Variants in ANK2 observed in about 807,000 individuals in gnomAD.
ANK2 encodes ankyrin 2.
Under a neutral mutation model 360.5 loss-of-function variants are expected in ANK2, and 83 were observed. The ratio of observed to expected loss-of-function variants is 0.23; its 90% CI spans 0.19 to 0.28. The LOEUF (loss-of-function observed/expected upper bound fraction) is 0.28, where lower values mean the gene tolerates loss of function less well. Ranked by LOEUF, ANK2 falls within the 10% of genes least tolerant of loss-of-function variation. ANK2 has a pLI of 1.00. For missense variants in ANK2, 4,201 were observed against 4,795.7 expected (o/e 0.88, Z 3.66); for synonymous variants, 1,740 against 1,759.5 (o/e 0.99, Z 0.28).
the ANK2 span, among the ~76,000 whole-genome samples, chr4:112,742,784 G>A: frequency 6.6e-6 from 1 of 151,592 alleles, no homozygotes; most frequent in Non-Finnish European, 1.5e-5. Context: ...GAGTACAGTG[G>A]CATGATCTCG....
At chr4:112,963,402 G>A (rs766610867) in intron 2 of ANK2, among the ~76,000 whole-genome samples, 1 of 152,144 alleles carries the variant, frequency 6.6e-6, no homozygotes, top group Non-Finnish European at 1.5e-5. Flanking sequence ...AAACAGCATA[G>A]CATCAAAGGT....
At chr4:112,802,729 CT>C in the ANK2 span, among the ~76,000 whole-genome samples, 1 of 152,104 alleles carries the variant, frequency 6.6e-6, no homozygotes, top group African/African-American at 2.4e-5. Flanking sequence ...GCAATGTAGA[CT>C]TTTTTTGAAG....
chr4:113,170,747 C>T (rs1562588508), intron 1 of ANK2, among the ~76,000 whole-genome samples: 2 of 152,094 alleles, frequency 1.3e-5, no homozygotes, highest in Non-Finnish European at 2.9e-5. Flanking sequence ...GAAAGTTGTT[C>T]TGTGTTTCTA....
intron 2 of ANK2, among the ~76,000 whole-genome samples, chr4:112,965,446 C>A (rs1175196574): frequency 6.6e-6 from 1 of 152,044 alleles, no homozygotes; most frequent in African/African-American, 2.4e-5. Flanking sequence ...TTTCTCCCGT[C>A]CTGTGGATTG....
At chr4:113,259,617 A>C (rs1190136749) in intron 13 of ANK2, among the ~76,000 whole-genome samples, 3 of 152,100 alleles carry the variant, frequency 2.0e-5, no homozygotes, top group Admixed American at 2.0e-4. Context: ...TAAAGTCTAT[A>C]TTTATAAGTT....
intron 2 of ANK2, among the ~76,000 whole-genome samples, chr4:112,968,758 G>A (rs1363767402): frequency 6.6e-6 from 1 of 152,120 alleles, no homozygotes; most frequent in Non-Finnish European, 1.5e-5. Flanking sequence ...AATGAACTTA[G>A]CATAGGGTTA....
At chr4:113,221,762 G>A (rs1369961425) in intron 4 of ANK2, among the ~76,000 whole-genome samples, 1 of 152,182 alleles carries the variant, frequency 6.6e-6, no homozygotes, top group Non-Finnish European at 1.5e-5. Flanking sequence ...AATTCAGGTT[G>A]CTGTATAGGA....
At chr4:113,069,223 C>T (rs914966700) in intron 1 of ANK2, among the ~76,000 whole-genome samples, 10 of 152,096 alleles carry the variant, frequency 6.6e-5, no homozygotes, top group African/African-American at 2.2e-4. Context: ...GGAGAACGCA[C>T]AAGGTCAGAG....
At chr4:113,107,901 CT>C (rs1364288871) in intron 1 of ANK2, among the ~76,000 whole-genome samples, 28 of 152,132 alleles carry the variant, frequency 1.8e-4, no homozygotes, top group African/African-American at 6.5e-4. Context: ...ATTTGATGCC[CT>C]CTACCACATA....
intron 1 of ANK2, among the ~76,000 whole-genome samples, chr4:113,061,121 TG>T: frequency 6.6e-6 from 1 of 152,098 alleles, no homozygotes; most frequent in East Asian, 1.9e-4. Context: ...TGCTTTAAAC[TG>T]TTTTTTTGGA....
At chr4:112,883,329 G>T (rs1022951244) in intron 1 of ANK2, among the ~76,000 whole-genome samples, 1 of 152,000 alleles carries the variant, frequency 6.6e-6, no homozygotes, top group South Asian at 2.1e-4. Flanking sequence ...ATGAGCCACC[G>T]CACCCGGCCT....
chr4:112,915,851 A>G (rs939488105), intron 2 of ANK2, among the ~76,000 whole-genome samples: 5 of 151,910 alleles, frequency 3.3e-5, no homozygotes, highest in African/African-American at 1.2e-4. Context: ...GAGGCTTTGC[A>G]ATTTTATTTC....
chr4:112,951,870 C>CT (rs1243451230), intron 2 of ANK2, among the ~76,000 whole-genome samples: 2 of 152,134 alleles, frequency 1.3e-5, no homozygotes, highest in Non-Finnish European at 2.9e-5. Context: ...GCTTTCATTG[C>CT]TTTTTGCTGA....
chr4:112,842,204 T>C (rs2149812606), intron 1 of ANK2, among the ~76,000 whole-genome samples: 1 of 152,240 alleles, frequency 6.6e-6, no homozygotes, highest in South Asian at 2.1e-4. Context: ...AGATGGGGGT[T>C]TCACCATGTT....
At chr4:113,364,227 A>G (rs537365141) in intron 40 of ANK2, among the ~76,000 whole-genome samples, 2 of 152,312 alleles carry the variant, frequency 1.3e-5, no homozygotes, top group South Asian at 2.1e-4. Flanking sequence ...TCTTAAATGT[A>G]TGTGTAACTC....
intron 2 of ANK2, among the ~76,000 whole-genome samples, chr4:112,905,839 T>C (rs1351910395): frequency 6.6e-6 from 1 of 152,048 alleles, no homozygotes; most frequent in East Asian, 1.9e-4. Context: ...TTTTTGATTT[T>C]TTTGTAGAGA....
intron 4 of ANK2, among the ~76,000 whole-genome samples, chr4:113,207,111 G>GCA (rs112753371): frequency 0.16 from 23,585 of 150,802 alleles, 1,986 homozygotes; most frequent in East Asian, 0.32. Flanking sequence ...GCGTGCACAC[G>GCA]CACACACACA....
chr4:113,084,054 G>A (rs1292413851), intron 1 of ANK2, among the ~76,000 whole-genome samples: 2 of 152,106 alleles, frequency 1.3e-5, no homozygotes, highest in African/African-American at 2.4e-5. Flanking sequence ...GTGTTTACAC[G>A]GTCATCTTGA....
chr4:113,273,674 G>A (rs2059280896), intron 14 of ANK2, among the ~76,000 whole-genome samples: 1 of 152,242 alleles, frequency 6.6e-6, no homozygotes, highest in East Asian at 1.9e-4. Context: ...ACAAGAGAAT[G>A]GTTTGGCCTG....
Sources: allele counts gnomAD v4.1 joint callset (sites outside exome capture counted in the v4.1 genomes callset), GRCh38; gene constraint gnomAD v4.1.1; transcripts MANE v1.5; gene names NCBI Gene and HGNC (gene_info 2026-07-23, HGNC 2026-07-21).